The following HUWE1 variants were observed in gnomAD, a reference collection of about 807,000 sequenced individuals.
The protein encoded by HUWE1 is HECT, UBA and WWE domain containing E3 ubiquitin protein ligase 1.
A neutral mutation model predicts 299.4 loss-of-function variants in HUWE1; 18 were observed. The observed-to-expected ratio is 0.06, with a 90% CI of 0.04 to 0.09. The LOEUF is 0.09. Among genes scored for constraint, HUWE1 ranks in the 10% least tolerant of loss-of-function variants. The pLI is 1.00. For synonymous variants in HUWE1, 1,317 were observed against 1,286.1 expected (o/e 1.02, Z -0.51); for missense variants, 1,832 against 3,462.3 (o/e 0.53, Z 11.82).
chrX:53,649,849 T>G (rs1317487031), intron 4 of HUWE1, among the ~76,000 whole-genome samples: 1 of 112,346 alleles, frequency 8.9e-6, no homozygotes, highest in African/African-American at 3.2e-5. Flanking sequence ...ATTTGGATCC[T>G]GTAATAATTT....
At chrX:53,657,501 G>A (rs2068801551) in intron 3 of HUWE1, among the ~76,000 whole-genome samples, 1 of 111,309 alleles carries the variant, frequency 9.0e-6, no homozygotes, top group Non-Finnish European at 1.9e-5. Flanking sequence ...ATTCCAGCCT[G>A]GGCGACAGAG....
At chrX:53,564,539 G>GC (rs2062440617) in intron 51 of HUWE1, 35 bp downstream of exon 51, 12 of 1,202,828 alleles carry the variant, frequency 1.0e-5, no homozygotes, top group Non-Finnish European at 1.2e-5. Flanking sequence ...GTTCAGCGCC[G>GC]CAACAGGGAA....
chrX:53,615,870 G>C, intron 21 of HUWE1, 35 bp from the exon 22 acceptor site: 1 of 1,020,220 alleles, frequency 9.8e-7, no homozygotes, highest in Non-Finnish European at 1.4e-6. Context: ...GAATTAGAAA[G>C]ACTGAAGAAA....
At chrX:53,603,142 T>C (rs1273065568) in intron 27 of HUWE1, among the ~76,000 whole-genome samples, 1 of 111,811 alleles carries the variant, frequency 8.9e-6, no homozygotes, top group Middle Eastern at 4.2e-3. Flanking sequence ...TGAGCCACCG[T>C]GTCCAGCCAC....
At chrX:53,591,653 C>T (rs1489887584) in intron 33 of HUWE1, among the ~76,000 whole-genome samples, 1 of 112,178 alleles carries the variant, frequency 8.9e-6, no homozygotes, top group African/African-American at 3.2e-5. Flanking sequence ...TTCTTGATAA[C>T]AGCAATACAA....
chrX:53,616,871 G>T, intron 21 of HUWE1, 99 bp downstream of exon 21: 1 of 675,553 alleles, frequency 1.5e-6, no homozygotes, highest in Non-Finnish European at 2.3e-6. Context: ...ATTAAACTTA[G>T]CACACCTAAC....
intron 29 of HUWE1, among the ~76,000 whole-genome samples, chrX:53,598,065 T>C (rs1183224934): frequency 9.0e-6 from 1 of 111,361 alleles, no homozygotes; most frequent in Non-Finnish European, 1.9e-5. Flanking sequence ...TGAATCTCAG[T>C]GAAATTCAAG....
rs2060826659 is a variant in HUWE1, at chrX:53,532,737, TA to T, written c.*571del. 9.2e-6 allele frequency: 1 copy of T among 108,985 alleles called. No homozygotes were observed. Among genetic ancestry groups the T allele is most frequent in the African/African-American group, 3.4e-5 (1 of 29,841 alleles). 9.0% of individuals were successfully genotyped at this position (108,985 alleles called of 1,213,427 possible). ...TTTCTCCAGATGCCTAGCATGTGCTTAAGAGTTTTTTGTTTTTTTTTTTAAG... is the reference window on the plus strand; with the variant it reads ...TTTCTCCAGATGCCTAGCATGTGCTTAGAGTTTTTTGTTTTTTTTTTTAAG... On this transcript the variant is annotated 3_prime_UTR_variant, in exon 84 of 84. Coordinates refer to ENST00000262854, the MANE Select transcript of HUWE1 (RefSeq NM_031407.7).
intron 7 of HUWE1, among the ~76,000 whole-genome samples, chrX:53,643,369 G>T (rs1470886638): frequency 1.8e-5 from 2 of 108,168 alleles, no homozygotes; most frequent in Non-Finnish European, 3.8e-5. Context: ...TTTTTTTTGA[G>T]ATAGAGTCTT....
chrX:53,555,377 G>A (rs1474053342), intron 60 of HUWE1, among the ~76,000 whole-genome samples: 7 of 111,404 alleles, frequency 6.3e-5, no homozygotes, highest in Middle Eastern at 4.6e-3. Context: ...CCAGGCTGGA[G>A]TGTAGTGGCA....
chrX:53,572,951 A>T (rs1246798226), intron 47 of HUWE1, among the ~76,000 whole-genome samples: 6 of 111,254 alleles, frequency 5.4e-5, no homozygotes, highest in African/African-American at 9.8e-5. Context: ...AAAAGCAATT[A>T]AAAAAACCCC....
At position 53,594,632 on chromosome X, in the gene HUWE1, A is replaced by G. The variant is rs1457699259; in HGVS notation, c.3381-11T>C. On this transcript the variant is annotated splice_polypyrimidine_tract_variant and intron_variant, in intron 30 of 83. Transcript: ENST00000262854. ...ATGAAGAATGTCAGCCTGAAAGTGG[A>G]AAAAAAGGCAAAACTTTAACCTTCT... 10 of 1,197,513 alleles carry G rather than the reference A, an allele frequency of 8.4e-6. No homozygotes were observed. Among genetic ancestry groups the G allele is most frequent in the South Asian group, 5.4e-5 (3 of 56,035 alleles).
At chrX:53,607,308 A>G (rs1323621398) in intron 25 of HUWE1, among the ~76,000 whole-genome samples, 2 of 112,418 alleles carry the variant, frequency 1.8e-5, no homozygotes, top group Admixed American at 1.9e-4. Flanking sequence ...AGAACTACAT[A>G]CCCAACCGAT....
chrX:53,645,298 AC>A lies in HUWE1; in HGVS notation c.504+12del, dbSNP rs2067903076. The A allele has an allele frequency of 8.3e-7, 1 of 1,210,429 alleles. No homozygotes were observed. The highest frequency in any genetic ancestry group is 2.2e-5 in the Admixed American group (1 of 45,925). On this transcript the variant is annotated intron_variant, in intron 7 of 83. Coordinates refer to ENST00000262854, the MANE Select transcript of HUWE1 (RefSeq NM_031407.7). ...AATTTTTGCACCCCTCCAACTCTTC[AC>A]CCAAGACTCACCTCTGCCAAATGTT...
In HUWE1 at chrX:53,625,273, A is replaced by C; in HGVS notation, c.1490-15T>G. ...ACACTGGACTCCTGGCAATGAAGAA[A>C]GACAAAAGAATTATGCTGAGTTCGC... On this transcript the variant is annotated splice_polypyrimidine_tract_variant and intron_variant, in intron 17 of 83. Transcript: ENST00000262854. The C allele has an allele frequency of 1.8e-6, 2 of 1,099,765 alleles. No individual in the cohort carries two copies. Among genetic ancestry groups the C allele is most frequent in the Non-Finnish European group, 2.5e-6 (2 of 792,963 alleles). 90.6% of individuals were successfully genotyped at this position (1,099,765 alleles called of 1,213,427 possible).
chrX:53,589,162 TG>T (rs2064018025), intron 36 of HUWE1, among the ~76,000 whole-genome samples: 1 of 111,985 alleles, frequency 8.9e-6, no homozygotes, highest in Non-Finnish European at 1.9e-5. Context: ...AATTTCATAA[TG>T]AGAGAAAAGA....
At position 53,592,342 on chromosome X, in the gene HUWE1, A is replaced by G. The variant is rs2064208886; in HGVS notation, c.3972+56T>C. The G allele has an allele frequency of 4.4e-5, 38 of 863,802 alleles. No individual in the cohort carries two copies. The South Asian group carries it at 7.0e-4, about 16-fold the overall frequency. 71.2% of individuals were successfully genotyped at this position (863,802 alleles called of 1,213,427 possible). On this transcript the variant is annotated intron_variant, in intron 33 of 83. Transcript: ENST00000262854. Reference sequence around the variant, plus strand: ...ATGTGAGCTTAGAAAATCCGTAAGCATCACACTCCATTGGGTGCAAAGTCT... The same window carrying G: ...ATGTGAGCTTAGAAAATCCGTAAGCGTCACACTCCATTGGGTGCAAAGTCT...
chrX:53,596,320 T>C (rs1453283693), intron 29 of HUWE1, among the ~76,000 whole-genome samples: 1 of 111,412 alleles, frequency 9.0e-6, no homozygotes, highest in Admixed American at 9.5e-5. Flanking sequence ...AGATGAAACA[T>C]GTAGCCTCAA....
At chrX:53,536,283 T>C (rs1198718302) in intron 79 of HUWE1, 31 bp from the exon 80 acceptor site, 24 of 1,146,287 alleles carry the variant, frequency 2.1e-5, no homozygotes, top group African/African-American at 5.4e-5. Flanking sequence ...AGGGTCATGG[T>C]TTGCGAGTGG....
Sources: allele counts gnomAD v4.1 joint callset (sites outside exome capture counted in the v4.1 genomes callset), GRCh38; gene constraint gnomAD v4.1.1; transcripts MANE v1.5; gene names NCBI Gene and HGNC (gene_info 2026-07-23, HGNC 2026-07-21).